AGBL1: variants seen among roughly 807,000 people sequenced by gnomAD.
The protein encoded by AGBL1 is cytosolic carboxypeptidase 4.
Under a neutral mutation model 118.9 loss-of-function variants are expected in AGBL1, and 130 were observed. The ratio of observed to expected loss-of-function variants is 1.09; its 90% CI spans 0.95 to 1.26. The LOEUF is 1.26. Among genes scored for constraint, AGBL1 ranks in the 50% most tolerant of loss-of-function variants. The pLI is 0.00. For synonymous variants in AGBL1, 555 were observed against 478.9 expected (o/e 1.16, Z -2.08); for missense variants, 1,584 against 1,298.1 (o/e 1.22, Z -3.38).
intron 13 of AGBL1, 65 bp downstream of exon 13, chr15:86,267,141 T>G: frequency 1.4e-3 from 1,600 of 1,128,954 alleles, no homozygotes; most frequent in Non-Finnish European, 1.8e-3. Context: ...TGACTATCTC[T>G]TCCCCATGCT....
At chr15:86,278,869 G>C (rs1049512696) in intron 15 of AGBL1, among the ~76,000 whole-genome samples, 1 of 152,200 alleles carries the variant, frequency 6.6e-6, no homozygotes, top group Admixed American at 6.5e-5. Context: ...GTTCTCTGAA[G>C]TATCAAAATT....
intron 23 of AGBL1, among the ~76,000 whole-genome samples, chr15:86,931,374 T>C (rs892432547): frequency 2.0e-5 from 3 of 152,190 alleles, no homozygotes; most frequent in Non-Finnish European, 4.4e-5. Flanking sequence ...GTGAGGTACC[T>C]GATTCTCCTT....
In AGBL1 at chr15:86,476,577, A is replaced by G. The variant is rs375756301; in HGVS notation, c.2556-46233A>G. ...CCAATACAGGAGCACCCAGATTCAT[A>G]AAGCAAGTCCTTAGAGACCTACAAA... On this transcript the variant is annotated intron_variant, in intron 18 of 22. Coordinates refer to ENST00000614907, the MANE Select transcript of AGBL1 (RefSeq NM_001386094.1). 9.1e-4 allele frequency among the ~76,000 whole-genome samples: 139 copies of G among 152,338 alleles called. 1 individual carries two copies. The East Asian group carries it at 0.014, about 15-fold the overall frequency.
At chr15:86,711,286 A>G (rs185608233) in intron 22 of AGBL1, among the ~76,000 whole-genome samples, 1 of 152,324 alleles carries the variant, frequency 6.6e-6, no homozygotes, top group Admixed American at 6.5e-5. Flanking sequence ...CTTTACAAAA[A>G]TCCTGAGGTA....
chr15:86,440,396 C>A (rs1431230), intron 18 of AGBL1, among the ~76,000 whole-genome samples: 7 of 151,360 alleles, frequency 4.6e-5, no homozygotes, highest in African/African-American at 1.7e-4. Flanking sequence ...AGATCATCAA[C>A]AAAGGAGAAG....
chr15:86,623,352 A>G lies in AGBL1; in HGVS notation c.2995-50921A>G, dbSNP rs1360581456. 2.0e-5 allele frequency among the ~76,000 whole-genome samples: 3 copies of G among 152,200 alleles called. No individual in the cohort carries two copies. The East Asian group carries it at 5.8e-4, about 29-fold the overall frequency. On this transcript the variant is annotated intron_variant, in intron 21 of 22. Transcript: ENST00000614907. ...GGATCCAGTGTGGCTGGCAGAGCAC[A>G]GGGTTTGAGGGCAACAGCTACTGCT...
At chr15:86,604,420 C>G (rs547527076) in intron 21 of AGBL1, among the ~76,000 whole-genome samples, 2 of 152,178 alleles carry the variant, frequency 1.3e-5, no homozygotes, top group African/African-American at 4.8e-5. Context: ...GGGACTTGGC[C>G]AAAGTTACCC....
intron 21 of AGBL1, among the ~76,000 whole-genome samples, chr15:86,606,126 C>CAAAAAAAAAAAAAAAAA (rs10675845): frequency 1.3e-4 from 13 of 96,842 alleles, no homozygotes; most frequent in African/African-American, 3.5e-4. Context: ...GACTCCATCT[C>CAAAAAAAAAAAAAAAAA]AAAAAAAAAA....
At chr15:86,557,357 G>T (rs2142277377) in intron 21 of AGBL1, among the ~76,000 whole-genome samples, 1 of 152,278 alleles carries the variant, frequency 6.6e-6, no homozygotes, top group East Asian at 1.9e-4. Context: ...TGGTGTGTTT[G>T]CATACACAAA....
chr15:86,613,802 C>A lies in AGBL1; in HGVS notation c.2994+59265C>A, dbSNP rs1209234579. The stretch of plus-strand genomic sequence containing the variant: ...CAGAATTTCAGACCCCATCCCAGAC[C>A]TACTGAATTAGAATATGTAGCATAG... On this transcript the variant is annotated intron_variant, in intron 21 of 22. Transcript: ENST00000614907. The surrounding 1 kb of genome is among the most constrained non-coding windows in gnomAD (Gnocchi z 4.2). Among the ~76,000 whole-genome samples the A allele has an allele frequency of 1.3e-5, 2 of 152,152 alleles. No homozygotes were observed. Among genetic ancestry groups the A allele is most frequent in the Non-Finnish European group, 2.9e-5 (2 of 68,030 alleles).
chr15:86,422,602 G>A (rs1365121150), intron 18 of AGBL1, among the ~76,000 whole-genome samples: 3 of 151,760 alleles, frequency 2.0e-5, no homozygotes, highest in South Asian at 2.1e-4. Context: ...AGAGCAGAAC[G>A]GAAGGAGATA....
At chr15:86,205,219 G>C (rs992938332) in intron 5 of AGBL1, among the ~76,000 whole-genome samples, 12 of 152,128 alleles carry the variant, frequency 7.9e-5, no homozygotes, top group East Asian at 3.8e-4. Flanking sequence ...AGCTTTTTCA[G>C]ATTGGCTGCA....
chr15:86,173,055 A>C (rs2077436884), intron 5 of AGBL1: 1 of 152,050 alleles, frequency 6.6e-6, no homozygotes, highest in Non-Finnish European at 1.5e-5. Context: ...TAACTAAAGT[A>C]AGATGATATC....
At chr15:86,759,493 C>A (rs1346014758) in intron 22 of AGBL1, among the ~76,000 whole-genome samples, 3 of 152,036 alleles carry the variant, frequency 2.0e-5, no homozygotes, top group Non-Finnish European at 2.9e-5. Context: ...GAAGTGCCCC[C>A]AAATGTTCTT....
At chr15:86,118,271 G>C (rs1049999091) in intron 1 of AGBL1, among the ~76,000 whole-genome samples, 1 of 152,128 alleles carries the variant, frequency 6.6e-6, no homozygotes, top group Admixed American at 6.5e-5. Flanking sequence ...TGGAGTAAAG[G>C]CTGGCAGAGG....
chr15:86,620,510 C>T (rs899012226), intron 21 of AGBL1, among the ~76,000 whole-genome samples: 7 of 152,250 alleles, frequency 4.6e-5, no homozygotes, highest in Admixed American at 4.6e-4. Context: ...GCATGCTGAC[C>T]TCTCATCTCC....
At chr15:86,559,569 A>G (rs988020633) in intron 21 of AGBL1, among the ~76,000 whole-genome samples, 5 of 152,212 alleles carry the variant, frequency 3.3e-5, no homozygotes, top group Non-Finnish European at 7.4e-5. Context: ...TTAAGGTAGC[A>G]ATAATGATAA....
At chr15:86,731,495 G>A (rs182304190) in intron 22 of AGBL1, among the ~76,000 whole-genome samples, 43 of 152,240 alleles carry the variant, frequency 2.8e-4, no homozygotes, top group South Asian at 2.7e-3. Context: ...TTTAGCTGAC[G>A]GTTCAGGTGA....
chr15:86,794,645 A>G (rs896299901), intron 22 of AGBL1, among the ~76,000 whole-genome samples: 5 of 152,178 alleles, frequency 3.3e-5, no homozygotes, highest in African/African-American at 9.6e-5. Context: ...AAACAAAAAA[A>G]AAACATGCAG....
Sources: allele counts gnomAD v4.1 joint callset (sites outside exome capture counted in the v4.1 genomes callset), GRCh38; gene constraint gnomAD v4.1.1; non-coding constraint Gnocchi (gnomAD v3.1); transcripts MANE v1.5; gene names NCBI Gene and HGNC (gene_info 2026-07-23, HGNC 2026-07-21).